SLC2A12: variants seen among roughly 807,000 people sequenced by gnomAD.
The protein encoded by SLC2A12 is solute carrier family 2 member 12.
Under a neutral mutation model 41.8 loss-of-function variants are expected in SLC2A12, and 23 were observed. That is an observed-to-expected ratio of 0.55 (90% CI 0.40 to 0.78). The LOEUF (loss-of-function observed/expected upper bound fraction) is 0.78. Among genes scored for constraint, SLC2A12 ranks in the 30% least tolerant of loss-of-function variants. SLC2A12 has a pLI of 0.00. For missense variants in SLC2A12, 654 were observed against 745.6 expected, an observed-to-expected ratio of 0.88 and a Z score of 1.43; for synonymous variants, 295 against 285.9, an observed-to-expected ratio of 1.03 and a Z score of -0.32.
intron 1 of SLC2A12, among the ~76,000 whole-genome samples, chr6:134,033,103 G>C (rs1236360732): frequency 1.3e-5 from 2 of 151,906 alleles, no homozygotes; most frequent in Non-Finnish European, 2.9e-5. Flanking sequence ...TGTGAGCCTG[G>C]AGAGGTAGGA....
At chr6:134,024,034 G>A (rs546704533) in intron 2 of SLC2A12, among the ~76,000 whole-genome samples, 1 of 152,324 alleles carries the variant, frequency 6.6e-6, no homozygotes, top group South Asian at 2.1e-4. Flanking sequence ...TTGGTGCCGG[G>A]CCCTAGCCAC....
intron 4 of SLC2A12, among the ~76,000 whole-genome samples, chr6:134,001,081 G>C (rs537360735): frequency 2.0e-4 from 30 of 151,550 alleles, no homozygotes; most frequent in Middle Eastern, 3.4e-3. Flanking sequence ...GGGGGAGCTA[G>C]AGAGGCGGAA....
At chr6:134,027,928 CATA>C in intron 2 of SLC2A12, among the ~76,000 whole-genome samples, 1 of 152,222 alleles carries the variant, frequency 6.6e-6, no homozygotes, top group East Asian at 1.9e-4. Flanking sequence ...CTTCTCAGCT[CATA>C]ATGTCTTCCT....
chr6:134,030,020 A>C (rs951678051), intron 1 of SLC2A12, among the ~76,000 whole-genome samples: 20 of 152,220 alleles, frequency 1.3e-4, no homozygotes, highest in African/African-American at 4.8e-4. Context: ...AGCAGATGAC[A>C]CATGATGAAG....
intron 2 of SLC2A12, among the ~76,000 whole-genome samples, chr6:134,010,733 C>T (rs750942139): frequency 3.3e-5 from 5 of 152,078 alleles, no homozygotes; most frequent in Non-Finnish European, 7.3e-5. Flanking sequence ...CCACAGACAG[C>T]GTGCTTATGG....
chr6:134,007,822 C>A (rs1210080414), intron 2 of SLC2A12, among the ~76,000 whole-genome samples: 1 of 152,176 alleles, frequency 6.6e-6, no homozygotes, highest in Non-Finnish European at 1.5e-5. Context: ...TATTACGAAA[C>A]CTCTTTTATC....
chr6:134,004,147 G>C (rs1776783774), intron 3 of SLC2A12, among the ~76,000 whole-genome samples: 1 of 152,122 alleles, frequency 6.6e-6, no homozygotes, highest in Non-Finnish European at 1.5e-5. Context: ...AGAGATGTGT[G>C]TCATCTTTTC....
rs541523667 is a variant in SLC2A12 at position 134,004,645 on chromosome 6, A to G, written c.1567+2167T>C. Reference sequence around the variant, plus strand: ...TGTTCCTCATCTATATATGAAATAAAGAGAAACCGACTCATTGGTCAGTTT... The same window carrying G: ...TGTTCCTCATCTATATATGAAATAAGGAGAAACCGACTCATTGGTCAGTTT... On this transcript the variant is annotated intron_variant, in intron 3 of 4. Transcript: ENST00000275230. 1.6e-3 allele frequency among the ~76,000 whole-genome samples: 238 copies of G among 152,350 alleles called. 1 individual carries two copies. Among genetic ancestry groups the G allele is most frequent in the African/African-American group, 5.5e-3 (230 of 41,574 alleles).
intron 2 of SLC2A12, among the ~76,000 whole-genome samples, chr6:134,016,734 A>G (rs1310103553): frequency 1.3e-5 from 2 of 152,224 alleles, no homozygotes; most frequent in Non-Finnish European, 2.9e-5. Flanking sequence ...CCTTATGGTT[A>G]TCAACAGTTT....
intron 2 of SLC2A12, among the ~76,000 whole-genome samples, chr6:134,014,710 C>T (rs1218481247): frequency 6.6e-6 from 1 of 152,212 alleles, no homozygotes; most frequent in African/African-American, 2.4e-5. Flanking sequence ...GACACTTTAA[C>T]ATCTTTTACA....
intron 2 of SLC2A12, among the ~76,000 whole-genome samples, chr6:134,008,295 T>C (rs1377187114): frequency 6.6e-6 from 1 of 152,144 alleles, no homozygotes; most frequent in African/African-American, 2.4e-5. Context: ...TGGCTGTAAA[T>C]TTGCTGCTTT....
At chr6:134,037,250 G>T (rs1289461638) in intron 1 of SLC2A12, among the ~76,000 whole-genome samples, 1 of 146,704 alleles carries the variant, frequency 6.8e-6, no homozygotes, top group Non-Finnish European at 1.5e-5. Context: ...TGCCTCCCAG[G>T]TTCAAGTGAT....
chr6:134,050,469 G>A (rs879884518), intron 1 of SLC2A12, among the ~76,000 whole-genome samples: 1 of 152,118 alleles, frequency 6.6e-6, no homozygotes, highest in African/African-American at 2.4e-5. Context: ...TGCACTTTAA[G>A]TTGAATTTTG....
At chr6:133,994,608 G>A (rs1407736399) in intron 4 of SLC2A12, among the ~76,000 whole-genome samples, 3 of 152,062 alleles carry the variant, frequency 2.0e-5, no homozygotes, top group African/African-American at 7.2e-5. Flanking sequence ...GGCACCTGTA[G>A]TCCCAGCTAC....
chr6:134,024,208 G>A (rs1188249705), intron 2 of SLC2A12, among the ~76,000 whole-genome samples: 11 of 152,234 alleles, frequency 7.2e-5, no homozygotes, highest in Non-Finnish European at 2.9e-5. Flanking sequence ...CTGGAGTGAT[G>A]TGGCGAAAGA....
intron 1 of SLC2A12, among the ~76,000 whole-genome samples, chr6:134,030,311 G>A (rs1014650904): frequency 1.1e-4 from 16 of 152,186 alleles, no homozygotes; most frequent in South Asian, 2.1e-4. Flanking sequence ...GAGGGTGGAG[G>A]TGGGAGTGGG....
intron 1 of SLC2A12, 51 bp downstream of exon 1, chr6:134,052,327 G>A: frequency 2.2e-6 from 3 of 1,393,578 alleles, no homozygotes; most frequent in Non-Finnish European, 3.0e-6. Flanking sequence ...CTCGGGAGAT[G>A]AGTACAGCTT....
chr6:134,003,825 T>C (rs1776780168), intron 3 of SLC2A12, among the ~76,000 whole-genome samples: 1 of 152,176 alleles, frequency 6.6e-6, no homozygotes, highest in Non-Finnish European at 1.5e-5. Flanking sequence ...CACTGCAGAG[T>C]ACATTTGTCT....
In SLC2A12 at chr6:134,024,371, C is replaced by T. The variant is rs189386838; in HGVS notation, c.1444+4010G>A. On this transcript the variant is annotated intron_variant, in intron 2 of 4. Coordinates refer to ENST00000275230, the MANE Select transcript of SLC2A12 (RefSeq NM_145176.3). Reference sequence around the variant, plus strand: ...GAAGGCCACCACCAGATGCCAAGACCGCAGTCTTCCACATACTTCTTCACC... The same window carrying T: ...GAAGGCCACCACCAGATGCCAAGACTGCAGTCTTCCACATACTTCTTCACC... Among the ~76,000 whole-genome samples the T allele has an allele frequency of 6.6e-4, 100 of 152,340 alleles. 1 individual carries two copies. Among genetic ancestry groups the T allele is most frequent in the Admixed American group, 5.2e-3 (79 of 15,302 alleles).
Sources: gnomAD v4.1 joint callset for allele counts (sites outside exome capture counted in the v4.1 genomes callset) on GRCh38, gnomAD v4.1.1 for gene constraint, MANE v1.5 for transcripts, NCBI Gene and HGNC (gene_info 2026-07-23, HGNC 2026-07-21) for gene names.